Variants in ADI1 observed in about 807,000 individuals in gnomAD.
The protein encoded by ADI1 is acireductone dioxygenase.
Under a neutral mutation model 18.7 loss-of-function variants are expected in ADI1, and 21 were observed. That is an observed-to-expected ratio of 1.13 (90% CI 0.80 to 1.62). ADI1 has a LOEUF of 1.62. Ranked by LOEUF, ADI1 falls within the 40% of genes most tolerant of loss-of-function variation. ADI1 has a pLI of 0.00. For missense variants in ADI1, 245 were observed against 254.9 expected (o/e 0.96, Z 0.26); for synonymous variants, 90 against 100.1 (o/e 0.90, Z 0.60).
At chr2:3,505,582 CTT>C (rs1667158533) in intron 2 of ADI1, among the ~76,000 whole-genome samples, 1 of 152,198 alleles carries the variant, frequency 6.6e-6, no homozygotes, top group Non-Finnish European at 1.5e-5. Flanking sequence ...TCTGAAATCT[CTT>C]CTTATGAAGG....
intron 2 of ADI1, among the ~76,000 whole-genome samples, chr2:3,509,982 A>G (rs543381497): frequency 6.6e-6 from 1 of 152,240 alleles, no homozygotes; most frequent in East Asian, 1.9e-4. Context: ...CGTATCTACT[A>G]AAAATACAAA....
At chr2:3,504,212 G>A (rs976455738) in intron 2 of ADI1, among the ~76,000 whole-genome samples, 3 of 152,308 alleles carry the variant, frequency 2.0e-5, no homozygotes, top group East Asian at 1.9e-4. Context: ...ACACCACTGC[G>A]TAGGATTCCG....
chr2:3,511,362 C>T lies in ADI1; in HGVS notation c.240+2495G>A, dbSNP rs185808144. ...TCTTATAATTTACTTCTAAATTACA[C>T]AGTAACTTCTTGTGAGATCTGGTCA... On this transcript the variant is annotated intron_variant, in intron 2 of 3. Transcript: ENST00000327435. Among the ~76,000 whole-genome samples the T allele has an allele frequency of 2.6e-5, 4 of 151,534 alleles. No individual in the cohort carries two copies. In the East Asian group the frequency reaches 7.8e-4, roughly 29 times the overall value.
intron 2 of ADI1, among the ~76,000 whole-genome samples, chr2:3,509,697 CTG>C (rs752764599): frequency 1.4e-4 from 21 of 152,134 alleles, no homozygotes; most frequent in Middle Eastern, 3.4e-3. Context: ...AAGCAGTACT[CTG>C]GGGAAAATTT....
At chr2:3,515,559 A>G (rs558567638) in intron 1 of ADI1, 2 of 152,200 alleles carry the variant, frequency 1.3e-5, no homozygotes, top group South Asian at 4.1e-4. Flanking sequence ...TCTTTGTTGG[A>G]CCCTTATCAG....
chr2:3,518,770 A>C (rs1667464172), intron 1 of ADI1, among the ~76,000 whole-genome samples: 1 of 152,146 alleles, frequency 6.6e-6, no homozygotes, highest in Non-Finnish European at 1.5e-5. Flanking sequence ...GACCGAGGTT[A>C]GCCAGGCAGG....
At position 3,500,922 on chromosome 2, in the gene ADI1, G is replaced by A; in HGVS notation, c.312C>T (p.Tyr104=). Residue 104 remains tyrosine, a synonymous_variant, in exon 3 of 4, where the codon TAC becomes TAT. Transcript: ENST00000327435. ...GGTCCTCCTTGTCCCTCACATCGAA[G>A]TACCCACTGCCATCCAGGATGTAGC... is the stretch of plus-strand genomic sequence containing the variant. The part of the protein sequence containing the change: ...EIRYILDGSG[Y]FDVRDKEDQW... 1.2e-6 allele frequency: 2 copies of A among 1,614,176 alleles called. No individual in the cohort carries two copies. The highest frequency in any genetic ancestry group is 1.7e-6 in the Non-Finnish European group (2 of 1,180,018).
rs1666938829 is a variant in ADI1 at position 3,499,232 on chromosome 2, T to C, written c.421-150A>G. ...CGTCTTTAACAATTTAGGCCACATT[T>C]TATTCGTGGAAGGAAAATTTGTATC... On this transcript the variant is annotated intron_variant, in intron 3 of 3. Coordinates refer to ENST00000327435, the MANE Select transcript of ADI1 (RefSeq NM_018269.4). 20 of 1,353,468 alleles carry C rather than the reference T, an allele frequency of 1.5e-5. 1 individual carries two copies. The South Asian group carries it at 2.6e-4, about 18-fold the overall frequency. The allele number at this position is 1,353,468 out of a possible 1,614,324, so 83.8% of individuals were successfully genotyped here. A position where few individuals can be genotyped will look rare whatever the true frequency, so the allele number is the denominator to read the frequency against.
At chr2:3,515,183 C>T (rs770227259) in intron 1 of ADI1, 21 of 176,218 alleles carry the variant, frequency 1.2e-4, no homozygotes, top group Admixed American at 5.9e-5. Flanking sequence ...TATTTTTCTT[C>T]TTGCAGAGAG....
chr2:3,503,063 A>T (rs1667062288), intron 2 of ADI1, among the ~76,000 whole-genome samples: 2 of 152,136 alleles, frequency 1.3e-5, no homozygotes, highest in African/African-American at 4.8e-5. Context: ...ACAGGGACAC[A>T]TGCACACTCA....
intron 2 of ADI1, among the ~76,000 whole-genome samples, chr2:3,509,005 AAGGGAGGG>A (rs375978249): frequency 9.1e-6 from 1 of 110,260 alleles, no homozygotes; most frequent in Non-Finnish European, 1.8e-5. Flanking sequence ...AGAAGGAAGG[AAGGGAGGG>A]AGGGAGGGAG....
intron 2 of ADI1, among the ~76,000 whole-genome samples, chr2:3,507,748 A>C (rs902929479): frequency 6.6e-6 from 1 of 152,172 alleles, no homozygotes; most frequent in Non-Finnish European, 1.5e-5. Flanking sequence ...AGAAAACTAA[A>C]ATCTTTTATT....
intron 2 of ADI1, among the ~76,000 whole-genome samples, chr2:3,511,223 T>A (rs1052151098): frequency 6.6e-6 from 1 of 152,242 alleles, no homozygotes; most frequent in African/African-American, 2.4e-5. Flanking sequence ...TGCTCCCACT[T>A]TGCCTTCTGC....
chr2:3,502,592 C>T (rs527390115), intron 2 of ADI1, among the ~76,000 whole-genome samples: 9 of 152,016 alleles, frequency 5.9e-5, no homozygotes, highest in African/African-American at 2.2e-4. Flanking sequence ...GCTGGGGTCA[C>T]AGGCATGATC....
At chr2:3,501,955 A>G (rs1378230818) in intron 2 of ADI1, among the ~76,000 whole-genome samples, 2 of 152,048 alleles carry the variant, frequency 1.3e-5, no homozygotes, top group Non-Finnish European at 2.9e-5. Context: ...CTGTGCCCTT[A>G]TAATCTGATT....
rs1434517055 is a variant in ADI1 at position 3,500,883 on chromosome 2, G to T, written c.351C>A (p.Ile117=). The change falls in exon 3 of 4, where the codon ATC becomes ATA. Residue 117 remains isoleucine (I), a synonymous_variant. Coordinates refer to ENST00000327435, the MANE Select transcript of ADI1 (RefSeq NM_018269.4). Reference sequence around the variant, plus strand: ...TCACCATGTCTCCCTTCTCCATGAAGATCCGGATCCACTGGTCCTCCTTGT... The same window carrying T: ...TCACCATGTCTCCCTTCTCCATGAATATCCGGATCCACTGGTCCTCCTTGT... ...VRDKEDQWIR[I]FMEKGDMVTL... 1 of 1,614,228 alleles carries T rather than the reference G, an allele frequency of 6.2e-7. No homozygotes were observed. Among genetic ancestry groups the T allele is most frequent in the East Asian group, 2.2e-5 (1 of 44,874 alleles).
At chr2:3,504,181 C>T (rs1281367601) in intron 2 of ADI1, among the ~76,000 whole-genome samples, 1 of 152,156 alleles carries the variant, frequency 6.6e-6, no homozygotes, top group Non-Finnish European at 1.5e-5. Context: ...AGTGAGGGGC[C>T]CTCGGACACG....
intron 3 of ADI1, chr2:3,500,584 C>T (rs1666975240): frequency 1.6e-6 from 1 of 625,102 alleles, no homozygotes; most frequent in East Asian, 2.8e-5. Flanking sequence ...GAAATGCACA[C>T]CTGTCCACCA....
In ADI1 at chr2:3,513,852, C is replaced by G; in HGVS notation, c.240+5G>C. 1 of 1,596,384 alleles carries G rather than the reference C, an allele frequency of 6.3e-7. No homozygotes were observed. The highest frequency in any genetic ancestry group is 8.5e-7 in the Non-Finnish European group (1 of 1,175,584). On this transcript the variant is annotated splice_donor_5th_base_variant and intron_variant, in intron 2 of 3. Transcript: ENST00000327435. Reference sequence around the variant, plus strand: ...TCTTTTCCAGGTAATCCAGGGCTCCCTTACCTTTTCTTCATAATTTGGTAG... The same window carrying G: ...TCTTTTCCAGGTAATCCAGGGCTCCGTTACCTTTTCTTCATAATTTGGTAG...
Sources: gnomAD v4.1 joint callset for allele counts (sites outside exome capture counted in the v4.1 genomes callset) on GRCh38, gnomAD v4.1.1 for gene constraint, MANE v1.5 for transcripts, NCBI Gene and HGNC (gene_info 2026-07-23, HGNC 2026-07-21) for gene names.